NONO: variants seen among roughly 807,000 people sequenced by gnomAD.
NONO encodes non-POU domain containing octamer binding, also known as non-POU domain-containing octamer-binding protein.
In NONO, 6 loss-of-function variants were observed where a neutral mutation model predicts 40.2. That is an observed-to-expected ratio of 0.15 (90% CI 0.08 to 0.29). NONO has a LOEUF of 0.29. NONO is among the 10% of genes least tolerant of loss of function. The pLI is 1.00. For synonymous variants in NONO, 89 were observed against 123.3 expected, an observed-to-expected ratio of 0.72 and a Z score of 1.85; for missense variants, 133 against 397.8, an observed-to-expected ratio of 0.33 and a Z score of 5.66.
chrX:71,297,617 C>A (rs1238037842), intron 8 of NONO, 156 bp downstream of exon 8: 13 of 509,119 alleles, frequency 2.6e-5, no homozygotes, highest in Non-Finnish European at 3.9e-5. Flanking sequence ...GATGTTTTAG[C>A]TGCCCATGGT....
At chrX:71,286,386 C>G (rs959077826) in intron 2 of NONO, among the ~76,000 whole-genome samples, 3 of 111,356 alleles carry the variant, frequency 2.7e-5, no homozygotes, top group African/African-American at 9.8e-5. Context: ...TATATATTGT[C>G]TCTCACTAGA....
chrX:71,285,351 G>GT lies in NONO; in HGVS notation c.-10+907dup, dbSNP rs200388518. On this transcript the variant is annotated intron_variant, in intron 2 of 11. Coordinates refer to ENST00000276079, the MANE Select transcript of NONO (RefSeq NM_007363.5). ...TAAAACACTATTTTCTTTTTTTGTT[G>GT]TTTTTTTTTAAAGGTATCTCATTTG... Among the ~76,000 whole-genome samples the GT allele has an allele frequency of 1.1e-4, 12 of 109,041 alleles. No individual in the cohort carries two copies. In the South Asian group the frequency reaches 1.9e-3, roughly 18 times the overall value. 94.7% of individuals were successfully genotyped at this position (109,041 alleles called of 115,157 possible).
At chrX:71,291,405 G>GTT (rs56948894) in intron 3 of NONO, among the ~76,000 whole-genome samples, 1,140 of 102,436 alleles carry the variant, frequency 0.011, 16 homozygotes, top group African/African-American at 0.038. Flanking sequence ...TTTGTTTTTT[G>GTT]TTTTTTTTTT....
At chrX:71,284,992 T>TTA (rs1449052502) in intron 2 of NONO, 2 of 112,624 alleles carry the variant, frequency 1.8e-5, no homozygotes, top group Non-Finnish European at 3.7e-5. Flanking sequence ...AGAGGCCCAG[T>TTA]ATTTAGGCGA....
chrX:71,296,696 T>C, intron 6 of NONO, 36 bp downstream of exon 6: 1 of 1,083,559 alleles, frequency 9.2e-7, no homozygotes, highest in South Asian at 2.0e-5. Context: ...ATTAGGTGTT[T>C]CCTTCTTAAG....
intron 2 of NONO, among the ~76,000 whole-genome samples, chrX:71,289,376 C>A (rs1343706435): frequency 1.8e-5 from 2 of 111,055 alleles, no homozygotes; most frequent in Non-Finnish European, 3.8e-5. Context: ...ACTGCCAGCT[C>A]CGCCTCCTGA....
At chrX:71,286,292 T>C (rs1051126301) in intron 2 of NONO, among the ~76,000 whole-genome samples, 6 of 111,518 alleles carry the variant, frequency 5.4e-5, no homozygotes, top group African/African-American at 2.0e-4. Flanking sequence ...TCTGCCTCCT[T>C]CTCCCTATCC....
At position 71,298,388 on chromosome X, in the gene NONO, T is replaced by TC; in HGVS notation, c.1132-78dup. The TC allele has an allele frequency of 9.6e-6, 8 of 831,095 alleles. No homozygotes were observed. The South Asian group carries it at 1.6e-4, about 17-fold the overall frequency. The allele number at this position is 831,095 out of a possible 1,213,427, so 68.5% of individuals were successfully genotyped here. A position where few individuals can be genotyped will look rare whatever the true frequency, so the allele number is the denominator to read the frequency against. On this transcript the variant is annotated intron_variant, in intron 9 of 11. Coordinates refer to ENST00000276079, the MANE Select transcript of NONO (RefSeq NM_007363.5). ...TGGACGTGTTATCACTCTATCTACT[T>TC]CCCTTAGTGTGTGGTCCTTGATGGA...
At chrX:71,292,766 C>T (rs1482815389) in intron 4 of NONO, 1 of 111,956 alleles carries the variant, frequency 8.9e-6, no homozygotes, top group East Asian at 2.8e-4. Flanking sequence ...CACCACGGTG[C>T]CTGGTTTATT....
At chrX:71,293,742 C>T (rs191284993) in intron 4 of NONO, among the ~76,000 whole-genome samples, 2 of 110,201 alleles carry the variant, frequency 1.8e-5, no homozygotes, top group East Asian at 5.9e-4. Flanking sequence ...GGCAGTTCTC[C>T]TGCCTCAGCC....
At chrX:71,293,674 C>T (rs1383870324) in intron 4 of NONO, among the ~76,000 whole-genome samples, 2 of 110,136 alleles carry the variant, frequency 1.8e-5, no homozygotes, top group African/African-American at 6.6e-5. Context: ...CTTTGTTGCC[C>T]ATGCTGGAGT....
In NONO at chrX:71,300,721, C is replaced by A. The variant is rs2031566836; in HGVS notation, c.*645C>A. 4 of 177,941 alleles carry A rather than the reference C, an allele frequency of 2.2e-5. No homozygotes were observed. Among genetic ancestry groups the A allele is most frequent in the Non-Finnish European group, 4.3e-5 (4 of 92,737 alleles). 14.7% of individuals were successfully genotyped at this position (177,941 alleles called of 1,213,427 possible). ...CCTTAGCCCCATTGCTCCATTCACT[C>A]CCAGGTGAGAATTCAGGCAAACGTC... On this transcript the variant is annotated 3_prime_UTR_variant, in exon 12 of 12. Transcript: ENST00000276079.
chrX:71,288,823 T>G (rs1288377935), intron 2 of NONO, among the ~76,000 whole-genome samples: 1 of 112,882 alleles, frequency 8.9e-6, no homozygotes, highest in East Asian at 2.7e-4. Flanking sequence ...ATAGCCACTT[T>G]GAGAGACAGG....
At chrX:71,297,335 A>G (rs2031475144) in intron 7 of NONO, 42 bp from the exon 8 acceptor site, 3 of 1,048,501 alleles carry the variant, frequency 2.9e-6, no homozygotes, top group Non-Finnish European at 3.9e-6. Context: ...TTAGATCTAT[A>G]TGAAGACAAT....
intron 9 of NONO, 191 bp from the exon 10 acceptor site, chrX:71,298,278 C>G: frequency 2.2e-6 from 1 of 464,383 alleles, no homozygotes; most frequent in African/African-American, 2.4e-5. Flanking sequence ...ATAGGAGGCT[C>G]TGGCTTACGT....
intron 5 of NONO, among the ~76,000 whole-genome samples, chrX:71,295,785 C>T (rs749805276): frequency 4.1e-4 from 46 of 111,208 alleles, no homozygotes; most frequent in Non-Finnish European, 7.7e-4. Context: ...AGGAAGACTC[C>T]GTTTCCAAAA....
chrX:71,298,785 C>T lies in NONO; in HGVS notation c.1250C>T (p.Ala417Val). The T allele has an allele frequency of 8.3e-7, 1 of 1,208,901 alleles. No individual in the cohort carries two copies. Residue 417 changes from alanine (A) to valine (V), a missense_variant, in exon 11 of 12, where the codon GCC (alanine) becomes GTC (valine). Physicochemically the swap from Ala to Val is moderately conservative, Grantham distance 64. This residue lies in a region of NONO where 73 missense variants were observed against 162.2 expected (regional missense o/e 0.45). Coordinates refer to ENST00000276079, the MANE Select transcript of NONO (RefSeq NM_007363.5). ...GGTACCCCAGCTCCTCCAGGACCTG[C>T]CACTATGATGCCGGATGGAACTTTG... The part of the protein sequence containing the change: ...PAGTPAPPGP[A>V]TMMPDGTLGL...
At chrX:71,299,811 C>T (rs1171861338) in intron 11 of NONO, 131 bp from the exon 12 acceptor site, 37 of 805,566 alleles carry the variant, frequency 4.6e-5, no homozygotes, top group Non-Finnish European at 6.0e-5. Flanking sequence ...CAGACTTAGT[C>T]ACCCACTCCT....
At chrX:71,290,109 A>G (rs2031290487) in intron 2 of NONO, among the ~76,000 whole-genome samples, 2 of 110,299 alleles carry the variant, frequency 1.8e-5, no homozygotes, top group Non-Finnish European at 3.8e-5. Context: ...TGGGGGTCTC[A>G]CGGTGTTGTC....
Sources: gnomAD v4.1 joint callset for allele counts (sites outside exome capture counted in the v4.1 genomes callset) on GRCh38, gnomAD v4.1.1 for gene constraint, gnomAD v4.1.1 regional missense constraint, MANE v1.5 for transcripts, NCBI Gene and HGNC (gene_info 2026-07-23, HGNC 2026-07-21) for gene names.